Variants in DAPK2 observed in about 807,000 individuals in gnomAD.
The protein encoded by DAPK2 is death associated protein kinase 2.
Under a neutral mutation model 44.1 loss-of-function variants are expected in DAPK2, and 35 were observed. The ratio of observed to expected loss-of-function variants is 0.79; its 90% CI spans 0.61 to 1.05. The LOEUF is 1.05. DAPK2 is among the 50% of genes least tolerant of loss of function. The pLI is 0.00. For synonymous variants in DAPK2, 174 were observed against 182.6 expected, an observed-to-expected ratio of 0.95 and a Z score of 0.38; for missense variants, 453 against 483.2, an observed-to-expected ratio of 0.94 and a Z score of 0.59.
intron 2 of DAPK2, among the ~76,000 whole-genome samples, chr15:63,979,201 G>A (rs1295871087): frequency 1.3e-5 from 2 of 152,226 alleles, no homozygotes; most frequent in Non-Finnish European, 2.9e-5. Flanking sequence ...TGTGACATGA[G>A]TTAAGCTGCT....
At chr15:63,937,132 T>G (rs1263945047) in intron 4 of DAPK2, among the ~76,000 whole-genome samples, 2 of 152,170 alleles carry the variant, frequency 1.3e-5, no homozygotes. Flanking sequence ...AAAATGGTTA[T>G]AACCTGTTTC....
chr15:63,987,068 G>A (rs1392628681), intron 1 of DAPK2, among the ~76,000 whole-genome samples: 2 of 152,196 alleles, frequency 1.3e-5, no homozygotes, highest in Non-Finnish European at 2.9e-5. Flanking sequence ...CAGTCTAACT[G>A]CTGTGTTATG....
intron 1 of DAPK2, among the ~76,000 whole-genome samples, chr15:63,991,904 T>C: frequency 6.6e-6 from 1 of 152,204 alleles, no homozygotes; most frequent in East Asian, 1.9e-4. Flanking sequence ...ATGGCCCCTG[T>C]CCACAAAGTC....
intron 7 of DAPK2, among the ~76,000 whole-genome samples, chr15:63,925,709 C>G (rs61040271): frequency 0.019 from 2,815 of 150,808 alleles, 83 homozygotes; most frequent in African/African-American, 0.066. Context: ...CACACACACA[C>G]ACACACACAC....
At chr15:63,989,069 A>G in intron 1 of DAPK2, among the ~76,000 whole-genome samples, 1 of 151,528 alleles carries the variant, frequency 6.6e-6, no homozygotes, top group South Asian at 2.1e-4. Flanking sequence ...AATCCCAGCT[A>G]CTTGGGAGGC....
intron 3 of DAPK2, among the ~76,000 whole-genome samples, chr15:63,959,358 C>A (rs1322330213): frequency 6.6e-6 from 1 of 152,156 alleles, no homozygotes; most frequent in Non-Finnish European, 1.5e-5. Context: ...CTTTCTCTTG[C>A]CTGATTGCCC....
At chr15:64,009,344 C>A (rs189351926) in intron 1 of DAPK2, among the ~76,000 whole-genome samples, 16 of 152,176 alleles carry the variant, frequency 1.1e-4, no homozygotes, top group Non-Finnish European at 1.8e-4. Flanking sequence ...CCCACACACC[C>A]AATCCACACC....
intron 1 of DAPK2, among the ~76,000 whole-genome samples, chr15:63,994,269 C>G (rs577184481): frequency 6.6e-6 from 1 of 152,210 alleles, no homozygotes; most frequent in Non-Finnish European, 1.5e-5. Context: ...ATGACCTAAG[C>G]TGAAGAACCG....
intron 4 of DAPK2, among the ~76,000 whole-genome samples, chr15:63,935,018 GC>G (rs1384693990): frequency 7.3e-5 from 11 of 150,318 alleles, no homozygotes; most frequent in Non-Finnish European, 1.2e-4. Context: ...TGTATTGGTG[GC>G]AAACTCTATA....
chr15:63,914,094 G>A (rs1400847620), intron 8 of DAPK2, among the ~76,000 whole-genome samples: 2 of 152,184 alleles, frequency 1.3e-5, no homozygotes, highest in Non-Finnish European at 2.9e-5. Flanking sequence ...CAGGACCTGG[G>A]ACCTACTCAC....
At chr15:63,997,602 A>AT (rs1402957055) in intron 1 of DAPK2, among the ~76,000 whole-genome samples, 3 of 152,196 alleles carry the variant, frequency 2.0e-5, no homozygotes, top group Non-Finnish European at 4.4e-5. Flanking sequence ...AAGTGCTGGG[A>AT]TTACAGGTGT....
chr15:64,016,548 C>G (rs2079530911), intron 1 of DAPK2, among the ~76,000 whole-genome samples: 1 of 152,170 alleles, frequency 6.6e-6, no homozygotes, highest in African/African-American at 2.4e-5. Context: ...AATCCAAACA[C>G]TTTGGAAGGC....
At chr15:63,951,734 A>G (rs11071781) in intron 3 of DAPK2, among the ~76,000 whole-genome samples, 67,450 of 152,140 alleles carry the variant, frequency 0.44, 17,062 homozygotes, top group East Asian at 0.97. Flanking sequence ...ACAAATGTTC[A>G]TATCAGTAAA....
intron 1 of DAPK2, among the ~76,000 whole-genome samples, chr15:63,987,463 T>C (rs534071709): frequency 4.1e-4 from 62 of 152,306 alleles, no homozygotes; most frequent in Admixed American, 1.3e-3. Context: ...TCAAAAATGA[T>C]GGGAATACTG....
At chr15:64,011,429 C>T (rs775321080) in intron 1 of DAPK2, among the ~76,000 whole-genome samples, 8 of 152,064 alleles carry the variant, frequency 5.3e-5, no homozygotes, top group Non-Finnish European at 1.0e-4. Context: ...GGCATGGTGG[C>T]GGGCACCTGT....
Position 63,917,337 on chromosome 15 carries a change from T to C in DAPK2, c.859-5140A>G, listed in dbSNP as rs1020378068. 1.4e-5 allele frequency: 2 copies of C among 145,604 alleles called. No individual in the cohort carries two copies. Among genetic ancestry groups the C allele is most frequent in the Admixed American group, 1.4e-4 (2 of 14,128 alleles). 9.0% of individuals were successfully genotyped at this position (145,604 alleles called of 1,614,324 possible). ...AAGATCGCGCCATTGCACTCCAGCC[T>C]GGGCAACGAGAGTGAAACTCTGTCT... On this transcript the variant is annotated intron_variant, in intron 8 of 10. Coordinates refer to ENST00000261891, the Ensembl canonical transcript of DAPK2. This position sits in a 1 kb window ranked among gnomAD's most constrained non-coding sequence, Gnocchi z 4.4.
In DAPK2 at chr15:64,021,833, G is replaced by A. The variant is rs575123471; in HGVS notation, c.92+18337C>T. Reference sequence around the variant, plus strand: ...CAATTAGTTAAGTGGAAGACAAGAAGAGACAGGAAGGAGGAAAAGAACATC... The same window carrying A: ...CAATTAGTTAAGTGGAAGACAAGAAAAGACAGGAAGGAGGAAAAGAACATC... On this transcript the variant is annotated intron_variant, in intron 1 of 10. Transcript: ENST00000261891. Among the ~76,000 whole-genome samples, 3 of 152,328 alleles carry A rather than the reference G, an allele frequency of 2.0e-5. No homozygotes were observed. In the South Asian group the frequency reaches 6.2e-4, roughly 32 times the overall value.
In DAPK2 at chr15:63,923,624, G is replaced by T. The variant is rs12443020; in HGVS notation, c.858+1192C>A. On this transcript the variant is annotated intron_variant, in intron 8 of 10. Coordinates refer to ENST00000261891, the Ensembl canonical transcript of DAPK2. The surrounding 1 kb of genome is among the most constrained non-coding windows in gnomAD (Gnocchi z 4.2). The stretch of plus-strand genomic sequence containing the variant: ...TAAGGGGTGCTCACGCAGACAAGCA[G>T]GCTGCAGCCAGGACTCCGCAGGCAT... Among the ~76,000 whole-genome samples the T allele has an allele frequency of 0.26, 39,987 of 152,212 alleles. 6,439 individuals are homozygous for T. Among genetic ancestry groups the T allele is most frequent in the Non-Finnish European group, 0.35 (23,982 of 67,980 alleles).
In DAPK2 at chr15:63,923,838, T is replaced by TATTG. The variant is rs1300925920; in HGVS notation, c.858+974_858+977dup. Among the ~76,000 whole-genome samples, 1 of 152,140 alleles carries TATTG rather than the reference T, an allele frequency of 6.6e-6. No individual in the cohort carries two copies. Among genetic ancestry groups the TATTG allele is most frequent in the Non-Finnish European group, 1.5e-5 (1 of 68,028 alleles). ...TTCCACAGGCCTCACCTTCTCTTTG[T>TATTG]ATTGATTGATTGATTATTATTTTTT... On this transcript the variant is annotated intron_variant, in intron 8 of 10. Coordinates refer to ENST00000261891, the Ensembl canonical transcript of DAPK2. The surrounding 1 kb of genome is among the most constrained non-coding windows in gnomAD (Gnocchi z 4.2).
Sources: allele counts gnomAD v4.1 joint callset (sites outside exome capture counted in the v4.1 genomes callset), GRCh38; gene constraint gnomAD v4.1.1; non-coding constraint Gnocchi (gnomAD v3.1); transcripts MANE v1.5; gene names NCBI Gene and HGNC (gene_info 2026-07-23, HGNC 2026-07-21).